The following IFRD1 variants were observed in gnomAD, a reference collection of about 807,000 sequenced individuals.
IFRD1 encodes interferon related developmental regulator 1.
A neutral mutation model predicts 52.9 loss-of-function variants in IFRD1; 35 were observed. The ratio of observed to expected loss-of-function variants is 0.66; its 90% confidence interval spans 0.51 to 0.88. IFRD1 has a LOEUF of 0.88. Ranked by LOEUF, IFRD1 falls within the 40% of genes least tolerant of loss-of-function variation. IFRD1 has a pLI of 0.00. For synonymous variants in IFRD1, 184 were observed against 188.4 expected, an observed-to-expected ratio of 0.98 and a Z score of 0.19; for missense variants, 517 against 550.8, an observed-to-expected ratio of 0.94 and a Z score of 0.61.
intron 1 of IFRD1, chr7:112,451,998 T>C (rs1795176728): frequency 1.0e-6 from 1 of 983,356 alleles, no homozygotes; most frequent in African/African-American, 1.7e-5. Context: ...ATTTAATAAT[T>C]GACCATAGGG....
chr7:112,428,016 A>AC (rs1265442438), intron 1 of IFRD1, among the ~76,000 whole-genome samples: 1 of 151,990 alleles, frequency 6.6e-6, no homozygotes, highest in Admixed American at 6.6e-5. Context: ...CTCTATGAAG[A>AC]CCCCCAGGAA....
chr7:112,462,387 C>T lies in IFRD1; in HGVS notation c.906+9C>T. 6.4e-7 allele frequency: 1 copy of T among 1,567,478 alleles called. No individual in the cohort carries two copies. Among genetic ancestry groups the T allele is most frequent in the Non-Finnish European group, 8.8e-7 (1 of 1,137,930 alleles). On this transcript the variant is annotated intron_variant, in intron 8 of 11. Transcript: ENST00000403825. ...CCAGAGGAATAGAGAGTGTAAGTAT[C>T]TAACTGGCAGAGGAAAAAGCTTGTG...
chr7:112,458,068 G>A (rs1294201782), intron 4 of IFRD1: 1 of 152,090 alleles, frequency 6.6e-6, no homozygotes, highest in Non-Finnish European at 1.5e-5. Context: ...TAACACAATG[G>A]CGCTATTAAA....
At chr7:112,460,465 G>C (rs1795408903) in intron 5 of IFRD1, among the ~76,000 whole-genome samples, 1 of 151,756 alleles carries the variant, frequency 6.6e-6, no homozygotes, top group Non-Finnish European at 1.5e-5. Context: ...CTGGCCTTGA[G>C]CTCCTGGGCT....
upstream of IFRD1, among the ~76,000 whole-genome samples, chr7:112,449,733 A>T (rs1795103365): frequency 6.6e-6 from 1 of 151,790 alleles, no homozygotes; most frequent in East Asian, 1.9e-4. Context: ...TCTTGTATAG[A>T]AACCCACAAC....
upstream of IFRD1, among the ~76,000 whole-genome samples, chr7:112,449,397 G>T (rs1273029908): frequency 6.6e-6 from 1 of 152,204 alleles, no homozygotes; most frequent in African/African-American, 2.4e-5. Context: ...TCGTTTCAGA[G>T]ATGTTGGGTT....
chr7:112,450,393 G>GCCCC, upstream of IFRD1: 1 of 457,468 alleles, frequency 2.2e-6, no homozygotes, highest in East Asian at 4.4e-5. Flanking sequence ...AAGCGCTCAA[G>GCCCC]CCCCGCCCAC....
At position 112,456,178 on chromosome 7, in the gene IFRD1, A is replaced by C. The variant is rs1378889616; in HGVS notation, c.284+92A>C. 9 of 790,976 alleles carry C rather than the reference A, an allele frequency of 1.1e-5. No homozygotes were observed. In the East Asian group the frequency reaches 2.0e-4, roughly 18 times the overall value. The allele number at this position is 790,976 out of a possible 1,614,324, so 49.0% of individuals were successfully genotyped here. A position where few individuals can be genotyped will look rare whatever the true frequency, so the allele number is the denominator to read the frequency against. ...ATGATTATTCTGTGTGATTCTAATCAGTTACCTTACATGTATATAATTTGT... is the reference window on the plus strand; with the variant it reads ...ATGATTATTCTGTGTGATTCTAATCCGTTACCTTACATGTATATAATTTGT... On this transcript the variant is annotated intron_variant, in intron 3 of 11. Coordinates refer to ENST00000403825, the MANE Select transcript of IFRD1 (RefSeq NM_001550.4).
chr7:112,464,844 C>T (rs767158246), intron 8 of IFRD1, among the ~76,000 whole-genome samples: 3 of 151,984 alleles, frequency 2.0e-5, no homozygotes, highest in Non-Finnish European at 4.4e-5. Flanking sequence ...TACAGCACAG[C>T]GAGAAAAAAG....
In IFRD1 at chr7:112,425,901, C is replaced by T. The variant is rs561351834; in HGVS notation, c.-182+2469C>T. ...TGTTATATCTGAATAAATATCTGCA[C>T]TTTTTCATCTTCACTTGTTCGCTGC... is the stretch of plus-strand genomic sequence containing the variant. On this transcript the variant is annotated intron_variant, in intron 1 of 12. Transcript: ENST00000005558. Among the ~76,000 whole-genome samples, 19 of 152,326 alleles carry T rather than the reference C, an allele frequency of 1.2e-4. No homozygotes were observed. The South Asian group carries it at 3.9e-3, about 32-fold the overall frequency.
Position 112,476,453 on chromosome 7 carries a change from T to G in IFRD1, c.*934T>G, listed in dbSNP as rs1472561821. 1 of 152,184 alleles carries G rather than the reference T, an allele frequency of 6.6e-6. No homozygotes were observed. Among genetic ancestry groups the G allele is most frequent in the Non-Finnish European group, 1.5e-5 (1 of 68,096 alleles). The allele number at this position is 152,184 out of a possible 1,614,324, so 9.4% of individuals were successfully genotyped here. A position where few individuals can be genotyped will look rare whatever the true frequency, so the allele number is the denominator to read the frequency against. Reference sequence around the variant, plus strand: ...AGGCGGGAGGATGGCATGAGCCCAGTTTGAGACCAGCCTGGGCAACATAGC... The same window carrying G: ...AGGCGGGAGGATGGCATGAGCCCAGGTTGAGACCAGCCTGGGCAACATAGC... On this transcript the variant is annotated 3_prime_UTR_variant, in exon 12 of 12. Coordinates refer to ENST00000403825, the MANE Select transcript of IFRD1 (RefSeq NM_001550.4).
At chr7:112,439,129 T>C (rs1484835704) in intron 1 of IFRD1, among the ~76,000 whole-genome samples, 1 of 152,138 alleles carries the variant, frequency 6.6e-6, no homozygotes, top group Non-Finnish European at 1.5e-5. Context: ...ATAGTGGGCA[T>C]AGAAGGAAGG....
intron 1 of IFRD1, among the ~76,000 whole-genome samples, chr7:112,444,508 CACA>C (rs34851003): frequency 0.03 from 4,631 of 152,182 alleles, 76 homozygotes; most frequent in Non-Finnish European, 0.048. Flanking sequence ...CAATCTAAAA[CACA>C]ACAAGTGATA....
At position 112,458,978 on chromosome 7, in the gene IFRD1, T is replaced by C. The variant is rs1393243750; in HGVS notation, c.527T>C (p.Ile176Thr). ...LKTLGPILKK[I>T]ICDGSASMQA... ...ACTCTTGGACCAATCCTAAAGAAAA[T>C]CATTTGTGATGGGTCAGCTAGTATG... The change falls in exon 5 of 12, where the codon ATC (isoleucine) becomes ACC (threonine). Residue 176 changes from isoleucine to threonine, a missense_variant. Ile to Thr is a moderately conservative substitution (Grantham distance 89, BLOSUM62 -1). Transcript: ENST00000403825. The C allele has an allele frequency of 3.1e-6, 5 of 1,613,892 alleles. No individual in the cohort carries two copies. The East Asian group carries it at 1.1e-4, about 36-fold the overall frequency.
intron 5 of IFRD1, among the ~76,000 whole-genome samples, chr7:112,459,461 A>G (rs1213831445): frequency 2.6e-5 from 4 of 152,116 alleles, no homozygotes; most frequent in Non-Finnish European, 5.9e-5. Context: ...TGTGTCACAG[A>G]AAACAGAAGA....
intron 1 of IFRD1, among the ~76,000 whole-genome samples, chr7:112,433,851 C>T (rs939498758): frequency 6.6e-6 from 1 of 152,084 alleles, no homozygotes; most frequent in African/African-American, 2.4e-5. Context: ...GACAGAGTCT[C>T]GCTAGGCCGC....
rs756906927 is a variant in IFRD1 at position 112,450,730 on chromosome 7, C to T, written c.42C>T (p.Ser14=). 1.2e-6 allele frequency: 2 copies of T among 1,612,912 alleles called. No individual in the cohort carries two copies. The highest frequency in any genetic ancestry group is 1.1e-5 in the South Asian group (1 of 91,076). ...NKKRNTPHRG[S]SAGGGGSGAA... ...AGCGGAACACTCCCCACCGCGGTAG[C>T]AGTGCTGGCGGCGGCGGGTCAGGAG... is the stretch of plus-strand genomic sequence containing the variant. Residue 14 remains serine (S), a synonymous_variant, in exon 1 of 12, where the codon AGC becomes AGT. Coordinates refer to ENST00000403825, the MANE Select transcript of IFRD1 (RefSeq NM_001550.4).
At chr7:112,433,216 T>C (rs1468665456) in intron 1 of IFRD1, among the ~76,000 whole-genome samples, 1 of 152,208 alleles carries the variant, frequency 6.6e-6, no homozygotes. Flanking sequence ...AGTTTTATTA[T>C]TACTCAAATC....
chr7:112,441,525 T>C (rs1584475685), intron 1 of IFRD1, among the ~76,000 whole-genome samples: 1 of 152,136 alleles, frequency 6.6e-6, no homozygotes, highest in Non-Finnish European at 1.5e-5. Context: ...TACCTGGAAG[T>C]GGAAGCTCAT....
Sources: gnomAD v4.1 joint callset for allele counts (sites outside exome capture counted in the v4.1 genomes callset) on GRCh38, gnomAD v4.1.1 for gene constraint, MANE v1.5 for transcripts, NCBI Gene and HGNC (gene_info 2026-07-23, HGNC 2026-07-21) for gene names.